The following ATG4B variants were observed in gnomAD, a reference collection of about 807,000 sequenced individuals.
ATG4B encodes autophagy related 4B cysteine peptidase.
ATG4B carries 29 observed loss-of-function variants against 56.6 expected under a neutral mutation model. That is an observed-to-expected ratio of 0.51 (90% CI 0.38 to 0.70). The LOEUF is 0.70. Ranked by LOEUF, ATG4B falls within the 30% of genes least tolerant of loss-of-function variation. ATG4B has a pLI of 0.00. For missense variants in ATG4B, 461 were observed against 515.5 expected (o/e 0.89, Z 1.02); for synonymous variants, 224 against 206.1 (o/e 1.09, Z -0.74).
chr2:241,656,136 C>T lies in ATG4B; in HGVS notation c.458+793C>T, dbSNP rs147588700. Among the ~76,000 whole-genome samples, 14 of 152,246 alleles carry T rather than the reference C, an allele frequency of 9.2e-5. 1 individual carries two copies. The East Asian group carries it at 2.5e-3, about 27-fold the overall frequency. ...TTCTGCATCTGCCTGTTCTGTATCC[C>T]ACTCAAGGCCCTCAGGCATCCCACG... is the stretch of plus-strand genomic sequence containing the variant. On this transcript the variant is annotated intron_variant, in intron 6 of 12. Transcript: ENST00000404914.
intron 8 of ATG4B, 82 bp downstream of exon 8, chr2:241,666,920 C>G (rs929932298): frequency 6.8e-7 from 1 of 1,460,728 alleles, no homozygotes; most frequent in Non-Finnish European, 9.2e-7. Flanking sequence ...ATCGTCGTCA[C>G]GTGGCCATTT....
chr2:241,663,043 C>G (rs936627366), intron 7 of ATG4B, among the ~76,000 whole-genome samples: 12 of 152,126 alleles, frequency 7.9e-5, no homozygotes, highest in African/African-American at 1.7e-4. Flanking sequence ...AAAGACCAGC[C>G]TGGTCAACAT....
intron 6 of ATG4B, among the ~76,000 whole-genome samples, chr2:241,658,471 G>A (rs1389198945): frequency 6.6e-6 from 1 of 152,154 alleles, no homozygotes; most frequent in Non-Finnish European, 1.5e-5. Flanking sequence ...GGTCTTTGCT[G>A]CCTCAGGGCC....
At chr2:241,640,864 T>C (rs1234459536) in intron 1 of ATG4B, among the ~76,000 whole-genome samples, 1 of 152,108 alleles carries the variant, frequency 6.6e-6, no homozygotes, top group Non-Finnish European at 1.5e-5. Context: ...TGCCAGCTCA[T>C]AGTGAGGACT....
At chr2:241,655,107 T>G (rs1363591054) in intron 5 of ATG4B, 164 bp from the exon 6 acceptor site, 1 of 651,066 alleles carries the variant, frequency 1.5e-6, no homozygotes, top group Non-Finnish European at 2.8e-6. Flanking sequence ...AGACCTTGTT[T>G]GCCCCCTCAT....
At position 241,670,744 on chromosome 2, in the gene ATG4B, G is replaced by A; in HGVS notation, c.976G>A (p.Glu326Lys). Residue 326 changes from glutamate to lysine, a missense_variant, in exon 11 of 13, where the codon GAA becomes AAA. By Grantham distance (56) the Glu-to-Lys change is moderately conservative. Transcript: ENST00000404914. ...SIAVGFFCKT[E>K]DDFNDWCQQV... ...GTTTTAGGGGTTTTTCTGTAAGACT[G>A]AAGATGACTTCAATGATTGGTGCCA... 2 of 1,611,240 alleles carry A rather than the reference G, an allele frequency of 1.2e-6. No homozygotes were observed. The highest frequency in any genetic ancestry group is 8.5e-7 in the Non-Finnish European group (1 of 1,178,682).
In ATG4B at chr2:241,659,327, C is replaced by T. The variant is rs886064821; in HGVS notation, c.538+140C>T. ...GTGCAGGTGCTCCGTGGGGCCTGTGCGCCAAGCCAGATGCACGGTGGCCTC... is the reference window on the plus strand; with the variant it reads ...GTGCAGGTGCTCCGTGGGGCCTGTGTGCCAAGCCAGATGCACGGTGGCCTC... On this transcript the variant is annotated intron_variant, in intron 7 of 12. Transcript: ENST00000404914. The T allele has an allele frequency of 1.7e-5, 13 of 770,668 alleles. 1 individual carries two copies. Among genetic ancestry groups the T allele is most frequent in the East Asian group, 5.5e-5 (2 of 36,108 alleles). The allele number at this position is 770,668 out of a possible 1,614,324, so 47.7% of individuals were successfully genotyped here.
At chr2:241,659,423 C>CA (rs2068521886) in intron 7 of ATG4B, 1 of 599,506 alleles carries the variant, frequency 1.7e-6, no homozygotes, top group Admixed American at 2.2e-5. Flanking sequence ...CTTGGTATCT[C>CA]ACGTCGTGTT....
At chr2:241,671,648 G>A in intron 12 of ATG4B, 1 of 1,445,366 alleles carries the variant, frequency 6.9e-7, no homozygotes, top group Non-Finnish European at 9.2e-7. Context: ...GCGCTGTGGA[G>A]CTGGGCGTGC....
chr2:241,671,057 G>T (rs1348252799), intron 11 of ATG4B, among the ~76,000 whole-genome samples: 1 of 152,222 alleles, frequency 6.6e-6, no homozygotes, highest in East Asian at 1.9e-4. Flanking sequence ...TGAGATGGGG[G>T]TGGTGATGGG....
At chr2:241,638,480 C>T (rs954229956) in intron 1 of ATG4B, 2 of 152,170 alleles carry the variant, frequency 1.3e-5, no homozygotes, top group Non-Finnish European at 2.9e-5. Flanking sequence ...CCATCGCTAG[C>T]CCAGTAGCCC....
At chr2:241,666,058 C>G (rs1320749374) in intron 7 of ATG4B, among the ~76,000 whole-genome samples, 1 of 152,260 alleles carries the variant, frequency 6.6e-6, no homozygotes, top group Non-Finnish European at 1.5e-5. Context: ...TAAGCAGATG[C>G]TGCAGGCACC....
rs1375099910 is a variant in ATG4B at position 241,654,671 on chromosome 2, G to C, written c.385+24G>C. 7 of 1,559,918 alleles carry C rather than the reference G, an allele frequency of 4.5e-6. No homozygotes were observed. The Admixed American group carries it at 1.3e-4, about 29-fold the overall frequency. On this transcript the variant is annotated intron_variant, in intron 5 of 12. Transcript: ENST00000404914. Reference sequence around the variant, plus strand: ...AGGTGGGAGGCTGCAGAATGTGCCAGGCCCCACCCGGGCTGTCTGGAGAGG... The same window carrying C: ...AGGTGGGAGGCTGCAGAATGTGCCACGCCCCACCCGGGCTGTCTGGAGAGG...
chr2:241,649,471 A>C (rs1486999542), intron 1 of ATG4B, among the ~76,000 whole-genome samples: 2 of 152,260 alleles, frequency 1.3e-5, no homozygotes, highest in African/African-American at 2.4e-5. Context: ...ATTGATTTTC[A>C]AAAGATTGCT....
intron 1 of ATG4B, among the ~76,000 whole-genome samples, chr2:241,639,016 C>T (rs1036479466): frequency 2.6e-4 from 39 of 152,116 alleles, no homozygotes; most frequent in Admixed American, 2.6e-3. Context: ...CCAGGCTCGC[C>T]GCAGGAGATA....
intron 8 of ATG4B, chr2:241,667,898 C>A: frequency 2.0e-6 from 1 of 499,382 alleles, no homozygotes; most frequent in Non-Finnish European, 3.6e-6. Context: ...TCACTCCCGG[C>A]CTCCCCAAAG....
In ATG4B at chr2:241,673,426, C is replaced by G. The variant is rs1396968584; in HGVS notation, c.*1162C>G. On this transcript the variant is annotated 3_prime_UTR_variant, in exon 13 of 13. Coordinates refer to ENST00000404914, the MANE Select transcript of ATG4B (RefSeq NM_013325.5). ...GCTTGGGGAGCGTGGGCACTTTTCT[C>G]ATGAGCAGCTACTGCGGCGTTGGCA... 1 of 383,268 alleles carries G rather than the reference C, an allele frequency of 2.6e-6. No homozygotes were observed. The highest frequency in any genetic ancestry group is 7.3e-5 in the East Asian group (1 of 13,704). The allele number at this position is 383,268 out of a possible 1,614,324, so 23.7% of individuals were successfully genotyped here.
At position 241,654,586 on chromosome 2, in the gene ATG4B, C is replaced by T; in HGVS notation, c.324C>T (p.Tyr108=). ...WTQRKRQPDS[Y]FSVLNAFIDR... is the part of the protein sequence containing the mutation. ...AAAGGAAGAGGCAGCCAGACAGCTA[C>T]TTCAGCGTCCTCAACGCATTCATCG... The change falls in exon 5 of 13, where the codon TAC becomes TAT. Residue 108 remains tyrosine, a synonymous_variant. Transcript: ENST00000404914. 6.2e-7 allele frequency: 1 copy of T among 1,602,890 alleles called. No homozygotes were observed. The highest frequency in any genetic ancestry group is 1.7e-4 in the Middle Eastern group (1 of 6,054).
rs1244353026 is a variant in ATG4B, at chr2:241,672,568, A to T, written c.*304A>T. The T allele has an allele frequency of 1.2e-5, 5 of 414,682 alleles. No homozygotes were observed. Among genetic ancestry groups the T allele is most frequent in the Non-Finnish European group, 2.2e-5 (5 of 228,104 alleles). The allele number at this position is 414,682 out of a possible 1,614,324, so 25.7% of individuals were successfully genotyped here. A position where few individuals can be genotyped will look rare whatever the true frequency, so the allele number is the denominator to read the frequency against. The stretch of plus-strand genomic sequence containing the variant: ...GTGTTAGCACCTGGGCCTCAGTCCC[A>T]CTTGCTCCCAGGCGCCGGTTCTGTG... On this transcript the variant is annotated 3_prime_UTR_variant, in exon 13 of 13. Transcript: ENST00000404914.
Sources: gnomAD v4.1 joint callset for allele counts (sites outside exome capture counted in the v4.1 genomes callset) on GRCh38, gnomAD v4.1.1 for gene constraint, MANE v1.5 for transcripts, NCBI Gene and HGNC (gene_info 2026-07-23, HGNC 2026-07-21) for gene names.